Variants in DENND5A observed in about 807,000 individuals in gnomAD.
DENND5A encodes DENN domain containing 5A.
A neutral mutation model predicts 140.3 loss-of-function variants in DENND5A; 64 were observed. That is an observed-to-expected ratio of 0.46 (90% confidence interval 0.37 to 0.56). The LOEUF is 0.56. Ranked by LOEUF, DENND5A falls within the 20% of genes least tolerant of loss-of-function variation. DENND5A has a pLI of 0.00. For synonymous variants in DENND5A, 605 were observed against 607.7 expected (o/e 1.00, Z 0.07); for missense variants, 1,292 against 1,593.8 (o/e 0.81, Z 3.22).
chr11:9,260,644 G>A (rs1302563573), intron 1 of DENND5A, among the ~76,000 whole-genome samples: 1 of 152,098 alleles, frequency 6.6e-6, no homozygotes, highest in Non-Finnish European at 1.5e-5. Flanking sequence ...AGCCCAAAGA[G>A]CTTCCTCAAC....
At chr11:9,193,450 CA>C in intron 5 of DENND5A, 43 bp downstream of exon 5, 1 of 1,471,422 alleles carries the variant, frequency 6.8e-7, no homozygotes, top group South Asian at 1.5e-5. Flanking sequence ...CTTCTCTCCC[CA>C]ATCCTGGATT....
rs187256322 is a variant in DENND5A, at chr11:9,224,063, G to A, written c.110-16431C>T. On this transcript the variant is annotated intron_variant, in intron 1 of 22. Coordinates refer to ENST00000328194, the MANE Select transcript of DENND5A (RefSeq NM_015213.4). ...ACAAAAATTAGCCAGGTGTGGTGGC[G>A]CATGCCTGTAATCCCAACTACTAGG... is the stretch of plus-strand genomic sequence containing the variant. 8.2e-4 allele frequency among the ~76,000 whole-genome samples: 125 copies of A among 152,054 alleles called. 1 individual carries two copies. The South Asian group carries it at 0.013, about 16-fold the overall frequency.
At chr11:9,148,735 T>C (rs1286443647) in intron 15 of DENND5A, among the ~76,000 whole-genome samples, 1 of 152,210 alleles carries the variant, frequency 6.6e-6, no homozygotes, top group Non-Finnish European at 1.5e-5. Flanking sequence ...GTGAAGACTC[T>C]GTGAAGCTTG....
chr11:9,253,912 C>T (rs940671156), intron 1 of DENND5A, among the ~76,000 whole-genome samples: 1 of 151,370 alleles, frequency 6.6e-6, no homozygotes. Flanking sequence ...AATCCCAGCA[C>T]TTTGGGAGGC....
rs541177223 is a variant in DENND5A at position 9,217,689 on chromosome 11, C to A, written c.110-10057G>T. Among the ~76,000 whole-genome samples, 362 of 152,054 alleles carry A rather than the reference C, an allele frequency of 2.4e-3. 1 individual carries two copies. The highest frequency in any genetic ancestry group is 4.3e-3 in the Non-Finnish European group (290 of 68,020). Reference sequence around the variant, plus strand: ...TTATGGTAACGATTGCACAACTCTGCAAATACATTAAAAAACAGAAATTGT... The same window carrying A: ...TTATGGTAACGATTGCACAACTCTGAAAATACATTAAAAAACAGAAATTGT... On this transcript the variant is annotated intron_variant, in intron 1 of 22. Transcript: ENST00000328194.
intron 4 of DENND5A, among the ~76,000 whole-genome samples, chr11:9,201,932 C>T (rs1459200458): frequency 6.6e-6 from 1 of 152,128 alleles, no homozygotes; most frequent in East Asian, 1.9e-4. Flanking sequence ...AAACCACAGA[C>T]ACCATCTTAA....
chr11:9,233,788 C>T (rs1018824548), intron 1 of DENND5A, among the ~76,000 whole-genome samples: 24 of 152,048 alleles, frequency 1.6e-4, no homozygotes, highest in Non-Finnish European at 2.4e-4. Context: ...CTGCTGACAC[C>T]CTGATTTTGG....
intron 5 of DENND5A, among the ~76,000 whole-genome samples, chr11:9,183,289 T>C (rs1264439009): frequency 2.6e-5 from 4 of 152,208 alleles, no homozygotes; most frequent in Admixed American, 6.5e-5. Flanking sequence ...TGTCATAGAC[T>C]TGTTTTGAGG....
chr11:9,190,003 T>C (rs1004343081), intron 5 of DENND5A, among the ~76,000 whole-genome samples: 21 of 152,216 alleles, frequency 1.4e-4, no homozygotes, highest in African/African-American at 4.8e-4. Flanking sequence ...GGAGATCATT[T>C]TGGAACTTTA....
At chr11:9,264,344 T>C (rs531488080) in intron 1 of DENND5A, among the ~76,000 whole-genome samples, 7 of 152,132 alleles carry the variant, frequency 4.6e-5, no homozygotes, top group African/African-American at 1.4e-4. Flanking sequence ...ATAAATTACT[T>C]TTCAAAAAAG....
Position 9,191,233 on chromosome 11 carries a change from G to A in DENND5A, c.1137+2261C>T, listed in dbSNP as rs1277459779. Among the ~76,000 whole-genome samples the A allele has an allele frequency of 2.6e-5, 4 of 151,502 alleles. No individual in the cohort carries two copies. In the South Asian group the frequency reaches 6.2e-4, roughly 24 times the overall value. On this transcript the variant is annotated intron_variant, in intron 5 of 22. Transcript: ENST00000328194. ...TTCTTTTCTGTTTTTTTTTTGAGGT[G>A]GAGTCTCACACTGTCACCCAGGCTG...
At chr11:9,156,007 A>C (rs866318030) in intron 12 of DENND5A, among the ~76,000 whole-genome samples, 1 of 152,224 alleles carries the variant, frequency 6.6e-6, no homozygotes, top group African/African-American at 2.4e-5. Context: ...ACAAGGGCAT[A>C]ATAAAATCAC....
intron 1 of DENND5A, among the ~76,000 whole-genome samples, chr11:9,232,069 T>C (rs1850795604): frequency 6.6e-6 from 1 of 151,922 alleles, no homozygotes; most frequent in Non-Finnish European, 1.5e-5. Context: ...TACAGAGTAG[T>C]GTTAACAGCA....
At position 9,203,838 on chromosome 11, in the gene DENND5A, G is replaced by T; in HGVS notation, c.771C>A (p.Gly257=). The T allele has an allele frequency of 1.9e-6, 3 of 1,614,178 alleles. No individual in the cohort carries two copies. The highest frequency in any genetic ancestry group is 2.5e-6 in the Non-Finnish European group (3 of 1,180,016). Residue 257 remains glycine (G), a synonymous_variant, in exon 4 of 23, where the codon GGC becomes GGA. Transcript: ENST00000328194. The part of the protein sequence containing the change: ...VLYEVPLPPP[G]RSLKFSGVYG... ...AGACCCCAGAAAACTTCAAGGACCG[G>T]CCAGGAGGTGGGAGCGGCACCTCGT... is the stretch of plus-strand genomic sequence containing the variant.
intron 1 of DENND5A, among the ~76,000 whole-genome samples, chr11:9,256,908 T>C (rs1034665895): frequency 1.3e-5 from 2 of 152,196 alleles, no homozygotes; most frequent in African/African-American, 2.4e-5. Context: ...CTCAATAAAA[T>C]TGTTTATATA....
At chr11:9,150,619 C>A in intron 14 of DENND5A, 61 bp downstream of exon 14, 1 of 1,201,868 alleles carries the variant, frequency 8.3e-7, no homozygotes, top group South Asian at 1.3e-5. Flanking sequence ...TAAAAGTGGA[C>A]ACCTAAGCAG....
chr11:9,151,239 T>C (rs1022515321), intron 13 of DENND5A, among the ~76,000 whole-genome samples: 49 of 152,240 alleles, frequency 3.2e-4, no homozygotes, highest in African/African-American at 1.2e-3. Flanking sequence ...AAGAATGTTC[T>C]GGTTCTGTTC....
intron 1 of DENND5A, among the ~76,000 whole-genome samples, chr11:9,253,738 A>G (rs1851826117): frequency 6.6e-6 from 1 of 151,940 alleles, no homozygotes; most frequent in Admixed American, 6.6e-5. Flanking sequence ...ATAGTGATGC[A>G]CACCTGTAGT....
intron 1 of DENND5A, among the ~76,000 whole-genome samples, chr11:9,239,789 T>C (rs1439581010): frequency 6.6e-6 from 1 of 152,028 alleles, no homozygotes; most frequent in African/African-American, 2.4e-5. Flanking sequence ...GAGAGAAAAA[T>C]GCCATTCCTT....
Sources: gnomAD v4.1 joint callset for allele counts (sites outside exome capture counted in the v4.1 genomes callset) on GRCh38, gnomAD v4.1.1 for gene constraint, MANE v1.5 for transcripts, NCBI Gene and HGNC (gene_info 2026-07-23, HGNC 2026-07-21) for gene names.